MEGF9: variants seen among roughly 807,000 people sequenced by gnomAD.
The protein encoded by MEGF9 is multiple EGF like domains 9, also known as multiple epidermal growth factor-like domains protein 9.
A neutral mutation model predicts 46.8 loss-of-function variants in MEGF9; 6 were observed. The ratio of observed to expected loss-of-function variants is 0.13; its 90% confidence interval spans 0.07 to 0.25. The LOEUF (loss-of-function observed/expected upper bound fraction) is 0.25. MEGF9 is among the 10% of genes least tolerant of loss of function. MEGF9 has a pLI of 1.00. For missense variants in MEGF9, 683 were observed against 792.4 expected (o/e 0.86, Z 1.66); for synonymous variants, 302 against 330.7 (o/e 0.91, Z 0.94).
chr9:120,611,491 A>T (rs2043444896), intron 4 of MEGF9, among the ~76,000 whole-genome samples: 1 of 152,164 alleles, frequency 6.6e-6, no homozygotes, highest in South Asian at 2.1e-4. Flanking sequence ...AGCCAGACAC[A>T]CAAGGCCATG....
chr9:120,696,199 A>G (rs1177480235), intron 1 of MEGF9, among the ~76,000 whole-genome samples: 1 of 152,236 alleles, frequency 6.6e-6, no homozygotes, highest in Admixed American at 6.5e-5. Flanking sequence ...TCCTTTTAAT[A>G]AATTTCAATC....
chr9:120,630,557 C>A (rs1334723731), intron 2 of MEGF9, among the ~76,000 whole-genome samples: 1 of 152,144 alleles, frequency 6.6e-6, no homozygotes, highest in Non-Finnish European at 1.5e-5. Context: ...TATGATAGTT[C>A]TATTTTTAGT....
rs142973015 is a variant in MEGF9, at chr9:120,616,074, T to C, written c.944-3535A>G. 3.9e-5 allele frequency among the ~76,000 whole-genome samples: 6 copies of C among 152,210 alleles called. No homozygotes were observed. In the South Asian group the frequency reaches 8.3e-4, roughly 21 times the overall value. Reference sequence around the variant, plus strand: ...TGTTAACAACAGTCGTGAGAGGCAATAGCCCTTTCAGAGTTTTTCTCCCTC... The same window carrying C: ...TGTTAACAACAGTCGTGAGAGGCAACAGCCCTTTCAGAGTTTTTCTCCCTC... On this transcript the variant is annotated intron_variant, in intron 3 of 5. Coordinates refer to ENST00000373930, the MANE Select transcript of MEGF9 (RefSeq NM_001080497.3).
At chr9:120,636,240 C>T (rs1438476957) in intron 2 of MEGF9, among the ~76,000 whole-genome samples, 1 of 152,078 alleles carries the variant, frequency 6.6e-6, no homozygotes, top group Non-Finnish European at 1.5e-5. Flanking sequence ...GTCCAGCCTA[C>T]CTCTTCCTAA....
At position 120,713,993 on chromosome 9, in the gene MEGF9, G is replaced by A; in HGVS notation, c.366C>T (p.Pro122=). The change falls in exon 1 of 6, where the codon CCC becomes CCT. Residue 122 remains proline (P), a synonymous_variant. Coordinates refer to ENST00000373930, the MANE Select transcript of MEGF9 (RefSeq NM_001080497.3). ...CCGCCGCCGGAGGGGTGGTCGGCGAGGGGCCGAGCGGCGCCTGAAAGGTGG... is the reference window on the plus strand; with the variant it reads ...CCGCCGCCGGAGGGGTGGTCGGCGAAGGGCCGAGCGGCGCCTGAAAGGTGG... The part of the protein sequence containing the change: ...SSTTFQAPLG[P]SPTTPPAAER... 1 of 1,387,120 alleles carries A rather than the reference G, an allele frequency of 7.2e-7. No homozygotes were observed. The allele number at this position is 1,387,120 out of a possible 1,614,324, so 85.9% of individuals were successfully genotyped here.
intron 2 of MEGF9, among the ~76,000 whole-genome samples, chr9:120,652,182 A>ACAC (rs1491252387): frequency 2.8e-4 from 15 of 53,824 alleles, no homozygotes; most frequent in African/African-American, 1.1e-3. Flanking sequence ...ACACACACAC[A>ACAC]AAAAAAAAAA....
intron 1 of MEGF9, among the ~76,000 whole-genome samples, chr9:120,707,955 G>A: frequency 6.6e-6 from 1 of 152,192 alleles, no homozygotes; most frequent in East Asian, 1.9e-4. Flanking sequence ...TGAAGCAGGA[G>A]AACTGCTTGA....
chr9:120,701,003 C>T (rs1250353573), intron 1 of MEGF9, among the ~76,000 whole-genome samples: 1 of 151,148 alleles, frequency 6.6e-6, no homozygotes, highest in Non-Finnish European at 1.5e-5. Flanking sequence ...CCTGTAGTCC[C>T]AGCTACTTGG....
At chr9:120,618,245 T>A (rs987080808) in intron 3 of MEGF9, among the ~76,000 whole-genome samples, 1 of 152,224 alleles carries the variant, frequency 6.6e-6, no homozygotes, top group African/African-American at 2.4e-5. Flanking sequence ...CTCTGAGCCC[T>A]GAGGCACTCC....
chr9:120,609,469 T>G (rs1202732066), intron 4 of MEGF9, among the ~76,000 whole-genome samples: 1 of 152,218 alleles, frequency 6.6e-6, no homozygotes, highest in East Asian at 1.9e-4. Context: ...TAGTTACTTG[T>G]GTGTTTCTCC....
rs1239885747 is a variant in MEGF9, at chr9:120,713,764, G to A, written c.595C>T (p.Pro199Ser). The A allele has an allele frequency of 1.5e-5, 19 of 1,291,838 alleles. No homozygotes were observed. Among genetic ancestry groups the A allele is most frequent in the African/African-American group, 1.1e-4 (7 of 66,230 alleles). The allele number at this position is 1,291,838 out of a possible 1,614,324, so 80.0% of individuals were successfully genotyped here. The change falls in exon 1 of 6, where the codon CCT (proline) becomes TCT (serine). Residue 199 changes from proline to serine, a missense_variant. Coordinates refer to ENST00000373930, the MANE Select transcript of MEGF9 (RefSeq NM_001080497.3). Reference sequence around the variant, plus strand: ...GAGGGAGCGCCGGACTCACCTGGAGGAGGCGAAGAGGGGGCCTCGGTGGCA... The same window carrying A: ...GAGGGAGCGCCGGACTCACCTGGAGAAGGCGAAGAGGGGGCCTCGGTGGCA... Reference protein sequence around the residue: ...PPATEAPSSPPPEYVCNCSVV... With the variant: ...PPATEAPSSPSPEYVCNCSVV...
chr9:120,714,393 C>T lies in MEGF9; in HGVS notation c.-35G>A, dbSNP rs1477693724. 10 of 1,271,456 alleles carry T rather than the reference C, an allele frequency of 7.9e-6. No individual in the cohort carries two copies. The highest frequency in any genetic ancestry group is 9.9e-6 in the Non-Finnish European group (10 of 1,008,068). 78.8% of individuals were successfully genotyped at this position (1,271,456 alleles called of 1,614,324 possible). A position where few individuals can be genotyped will look rare whatever the true frequency, so the allele number is the denominator to read the frequency against. ...CAGTCGGTTGGTCAGTCATCTTCTC[C>T]TCGTTGCAATCCGACCAAGGAAGCC... On this transcript the variant is annotated 5_prime_UTR_variant, in exon 1 of 6. Coordinates refer to ENST00000373930, the MANE Select transcript of MEGF9 (RefSeq NM_001080497.3).
chr9:120,623,976 C>T (rs905610943), intron 2 of MEGF9, among the ~76,000 whole-genome samples: 5 of 152,168 alleles, frequency 3.3e-5, no homozygotes, highest in African/African-American at 1.2e-4. Context: ...TTTGCCTAAC[C>T]CACAACCTAC....
At chr9:120,668,533 TTC>T (rs2043735346) in intron 1 of MEGF9, among the ~76,000 whole-genome samples, 1 of 152,234 alleles carries the variant, frequency 6.6e-6, no homozygotes, top group Non-Finnish European at 1.5e-5. Context: ...GTAGAAAATT[TTC>T]TGTCTCACAT....
At chr9:120,629,894 C>T (rs2043543106) in intron 2 of MEGF9, among the ~76,000 whole-genome samples, 1 of 151,554 alleles carries the variant, frequency 6.6e-6, no homozygotes, top group Non-Finnish European at 1.5e-5. Flanking sequence ...GATCGCATCA[C>T]TGCACTCCAG....
chr9:120,695,886 TC>T, intron 1 of MEGF9, among the ~76,000 whole-genome samples: 1 of 152,268 alleles, frequency 6.6e-6, no homozygotes. Context: ...TTTTCTGGCC[TC>T]CCCTGCAGCC....
At chr9:120,646,200 C>T (rs1346745984) in intron 2 of MEGF9, among the ~76,000 whole-genome samples, 2 of 152,182 alleles carry the variant, frequency 1.3e-5, no homozygotes, top group Non-Finnish European at 2.9e-5. Context: ...CCCATTCTCA[C>T]TAATATTACC....
intron 4 of MEGF9, among the ~76,000 whole-genome samples, chr9:120,609,148 C>T (rs1189738037): frequency 1.3e-5 from 2 of 152,184 alleles, no homozygotes; most frequent in African/African-American, 2.4e-5. Flanking sequence ...GCCTACTTCT[C>T]TCAACTTTTC....
intron 2 of MEGF9, among the ~76,000 whole-genome samples, chr9:120,640,321 T>C (rs1357440300): frequency 6.6e-6 from 1 of 152,192 alleles, no homozygotes; most frequent in East Asian, 1.9e-4. Flanking sequence ...CATGGCATGC[T>C]CTATTACTTC....
Sources: gnomAD v4.1 joint callset for allele counts (sites outside exome capture counted in the v4.1 genomes callset) on GRCh38, gnomAD v4.1.1 for gene constraint, MANE v1.5 for transcripts, NCBI Gene and HGNC (gene_info 2026-07-23, HGNC 2026-07-21) for gene names.